CSPP1: variants seen among roughly 807,000 people sequenced by gnomAD.
CSPP1 encodes the protein centrosome and spindle pole-associated protein 1.
A neutral mutation model predicts 164.4 loss-of-function variants in CSPP1; 126 were observed. The observed-to-expected ratio is 0.77, with a 90% CI of 0.66 to 0.89. The LOEUF (loss-of-function observed/expected upper bound fraction) is 0.89, where lower values mean the gene tolerates loss of function less well. CSPP1 is among the 40% of genes least tolerant of loss of function. The probability of loss-of-function intolerance (pLI) is 0.00; values close to 1 mark genes in which losing one functional copy is unlikely to be tolerated. For synonymous variants in CSPP1, 472 were observed against 476.7 expected (o/e 0.99, Z 0.13); for missense variants, 1,395 against 1,449.8 (o/e 0.96, Z 0.61).
intron 17 of CSPP1, among the ~76,000 whole-genome samples, chr8:67,141,958 C>A (rs950824467): frequency 6.6e-6 from 1 of 152,136 alleles, no homozygotes; most frequent in Non-Finnish European, 1.5e-5. Context: ...TACTCCTGTT[C>A]TTTTTTTGAT....
intron 9 of CSPP1, among the ~76,000 whole-genome samples, chr8:67,109,855 A>G (rs1816455913): frequency 6.6e-6 from 1 of 152,160 alleles, no homozygotes; most frequent in Non-Finnish European, 1.5e-5. Context: ...TGAATTAAAA[A>G]GCTTTTGTAA....
chr8:67,124,918 C>T (rs968596282), intron 15 of CSPP1, among the ~76,000 whole-genome samples: 7 of 152,106 alleles, frequency 4.6e-5, no homozygotes, highest in African/African-American at 1.4e-4. Flanking sequence ...TGGCCTCAAA[C>T]CACCTTGGTC....
chr8:67,178,528 G>T (rs114875275), intron 27 of CSPP1, among the ~76,000 whole-genome samples: 2,397 of 152,242 alleles, frequency 0.016, 66 homozygotes, highest in African/African-American at 0.055. Context: ...ATAGTTTTTT[G>T]AATCATGGTG....
intron 18 of CSPP1, among the ~76,000 whole-genome samples, chr8:67,153,018 C>T (rs186561673): frequency 1.2e-3 from 184 of 151,986 alleles, no homozygotes; most frequent in African/African-American, 4.1e-3. Context: ...GCCAATGTGA[C>T]GAAATCCCGT....
chr8:67,124,923 T>A (rs185736849), intron 15 of CSPP1, among the ~76,000 whole-genome samples: 1 of 152,146 alleles, frequency 6.6e-6, no homozygotes, highest in African/African-American at 2.4e-5. Flanking sequence ...TCAAACCACC[T>A]TGGTCTCCCA....
intron 15 of CSPP1, among the ~76,000 whole-genome samples, chr8:67,123,421 T>C (rs1349408097): frequency 6.6e-6 from 1 of 152,188 alleles, no homozygotes; most frequent in Non-Finnish European, 1.5e-5. Flanking sequence ...CTTTTAGTAC[T>C]GTTTGCATGG....
chr8:67,132,153 G>A, intron 16 of CSPP1, 73 bp downstream of exon 16: 1 of 1,424,672 alleles, frequency 7.0e-7, no homozygotes. Flanking sequence ...AGCTCAGAGT[G>A]TGGCCGGGGA....
In CSPP1 at chr8:67,150,409, T is replaced by G. The variant is rs1221129669; in HGVS notation, c.2128+474T>G. ...TGTACAAAGAAATGAAGCAATGTTG[T>G]TTTTTTTTTTGTGAGATGGAGTCTC... On this transcript the variant is annotated intron_variant, in intron 18 of 30. Coordinates refer to ENST00000678616, the MANE Select transcript of CSPP1 (RefSeq NM_001382391.1). Among the ~76,000 whole-genome samples, 5 of 144,040 alleles carry G rather than the reference T, an allele frequency of 3.5e-5. No homozygotes were observed. The South Asian group carries it at 6.5e-4, about 19-fold the overall frequency. The allele number at this position is 144,040 out of a possible 152,430, so 94.5% of individuals were successfully genotyped here.
chr8:67,132,216 A>C (rs1821375685), intron 16 of CSPP1, 136 bp downstream of exon 16: 4 of 886,162 alleles, frequency 4.5e-6, no homozygotes, highest in Middle Eastern at 2.4e-4. Flanking sequence ...TGAAGTGGAT[A>C]CAGTAAAACG....
intron 8 of CSPP1, among the ~76,000 whole-genome samples, chr8:67,105,044 G>C: frequency 1.3e-5 from 1 of 78,204 alleles, no homozygotes; most frequent in African/African-American, 5.4e-5. Context: ...TTTTTTTTTC[G>C]AGACAGAGTC....
chr8:67,095,244 G>T lies in CSPP1; in HGVS notation c.484-49G>T, dbSNP rs564850916. On this transcript the variant is annotated intron_variant, in intron 6 of 30. Transcript: ENST00000678616. ...TTGAGGGTTTAATTACCTTATAAGA[G>T]ATAGTTTCTTGTCAAGTTTTGTTTC... 8 of 1,215,972 alleles carry T rather than the reference G, an allele frequency of 6.6e-6. 1 individual carries two copies. In the South Asian group the frequency reaches 1.3e-4, roughly 19 times the overall value. 75.3% of individuals were successfully genotyped at this position (1,215,972 alleles called of 1,614,324 possible).
rs746260241 is a variant in CSPP1 at position 67,164,412 on chromosome 8, T to A, written c.2732T>A (p.Met911Lys). 5.0e-6 allele frequency: 8 copies of A among 1,585,132 alleles called. No homozygotes were observed. The African/African-American group carries it at 5.4e-5, about 11-fold the overall frequency. Residue 911 changes from methionine (M) to lysine (K), a missense_variant, in exon 24 of 31, where the codon ATG becomes AAG. Physicochemically the swap from Met to Lys is moderately conservative, Grantham distance 95. Coordinates refer to ENST00000678616, the MANE Select transcript of CSPP1 (RefSeq NM_001382391.1). ...GCAGAGGAGAAAAAAAATGTAATTA[T>A]GGAATTATCAGAAATGAGAAAACAG... ...RAEEEKKNVI[M>K]ELSEMRKQLR...
At chr8:67,170,736 T>C (rs562530995) in intron 24 of CSPP1, among the ~76,000 whole-genome samples, 14 of 152,274 alleles carry the variant, frequency 9.2e-5, no homozygotes, top group African/African-American at 3.4e-4. Context: ...GTTATAAATA[T>C]GCTATATTTT....
At chr8:67,142,815 A>G (rs910756846) in intron 17 of CSPP1, among the ~76,000 whole-genome samples, 1 of 152,170 alleles carries the variant, frequency 6.6e-6, no homozygotes, top group African/African-American at 2.4e-5. Context: ...CTGAATTTTC[A>G]TCAGCACTTG....
In CSPP1 at chr8:67,149,843, C is replaced by T. The variant is rs766230896; in HGVS notation, c.2036C>T (p.Thr679Ile). Residue 679 changes from threonine (T) to isoleucine (I), a missense_variant, in exon 18 of 31, where the codon ACA becomes ATA. Transcript: ENST00000678616. ...GCCTACCATAACCCAGATGCAAGAA[C>T]ATATGAAGATAAAAGGGCTGTTGTA... is the stretch of plus-strand genomic sequence containing the variant. ...IDAYHNPDAR[T>I]YEDKRAVVSL... is the part of the protein sequence containing the mutation. The T allele has an allele frequency of 2.5e-6, 4 of 1,606,176 alleles. No homozygotes were observed. Among genetic ancestry groups the T allele is most frequent in the South Asian group, 2.2e-5 (2 of 89,780 alleles).
intron 28 of CSPP1, among the ~76,000 whole-genome samples, chr8:67,184,478 C>A (rs1833876647): frequency 6.6e-6 from 1 of 152,116 alleles, no homozygotes; most frequent in South Asian, 2.1e-4. Flanking sequence ...TGGCTCACAC[C>A]TGTAATCCCA....
At position 67,116,020 on chromosome 8, in the gene CSPP1, C is replaced by A; in HGVS notation, c.1394C>A (p.Ala465Asp). 6.2e-7 allele frequency: 1 copy of A among 1,613,822 alleles called. No individual in the cohort carries two copies. Among genetic ancestry groups the A allele is most frequent in the Non-Finnish European group, 8.5e-7 (1 of 1,179,742 alleles). The change falls in exon 13 of 31, where the codon GCC becomes GAC. Residue 465 changes from alanine (A) to aspartate (D), a missense_variant. Physicochemically the swap from Ala to Asp is moderately radical, Grantham distance 126. Transcript: ENST00000678616. ...AFQTPLPPLS[A>D]PSVPPIPSVH... Reference sequence around the variant, plus strand: ...CAGACACCTCTCCCTCCTTTATCTGCCCCATCTGTCCCACCCATCCCATCA... The same window carrying A: ...CAGACACCTCTCCCTCCTTTATCTGACCCATCTGTCCCACCCATCCCATCA...
At position 67,139,644 on chromosome 8, in the gene CSPP1, C is replaced by G. The variant is rs552535186; in HGVS notation, c.1975+2041C>G. 3.9e-5 allele frequency among the ~76,000 whole-genome samples: 6 copies of G among 152,252 alleles called. No homozygotes were observed. The South Asian group carries it at 1.2e-3, about 32-fold the overall frequency. On this transcript the variant is annotated intron_variant, in intron 17 of 30. Coordinates refer to ENST00000678616, the MANE Select transcript of CSPP1 (RefSeq NM_001382391.1). Reference sequence around the variant, plus strand: ...TTAAGAAAATGTGGCACATATACACCATGGAATACTATGCAGCCATAAAAA... The same window carrying G: ...TTAAGAAAATGTGGCACATATACACGATGGAATACTATGCAGCCATAAAAA...
At chr8:67,140,876 GC>G (rs1274220422) in intron 17 of CSPP1, among the ~76,000 whole-genome samples, 1 of 152,130 alleles carries the variant, frequency 6.6e-6, no homozygotes, top group Non-Finnish European at 1.5e-5. Context: ...TTGGGGCCTG[GC>G]CTGGATGTGG....
Sources: allele counts gnomAD v4.1 joint callset (sites outside exome capture counted in the v4.1 genomes callset), GRCh38; gene constraint gnomAD v4.1.1; transcripts MANE v1.5; gene names NCBI Gene and HGNC (gene_info 2026-07-23, HGNC 2026-07-21).